Variants in SYNE2 observed in about 807,000 individuals in gnomAD.
The protein encoded by SYNE2 is nesprin-2.
Under a neutral mutation model 856.3 loss-of-function variants are expected in SYNE2, and 431 were observed. The observed-to-expected ratio is 0.50, with a 90% CI of 0.47 to 0.55. The LOEUF (loss-of-function observed/expected upper bound fraction) is 0.55, where lower values mean the gene tolerates loss of function less well. Ranked by LOEUF, SYNE2 falls within the 20% of genes least tolerant of loss-of-function variation. SYNE2 has a pLI of 0.00. For missense variants in SYNE2, 8,129 were observed against 8,023.2 expected, an observed-to-expected ratio of 1.01 and a Z score of -0.50; for synonymous variants, 2,923 against 2,872.3, an observed-to-expected ratio of 1.02 and a Z score of -0.56.
chr14:64,140,542 C>G (rs1242789086), intron 80 of SYNE2, among the ~76,000 whole-genome samples: 1 of 152,196 alleles, frequency 6.6e-6, no homozygotes, highest in Non-Finnish European at 1.5e-5. Context: ...GAGATGGCGC[C>G]ATTGCACTCC....
At chr14:64,215,259 G>C in intron 106 of SYNE2, 27 bp from the exon 107 acceptor site, 1 of 1,610,856 alleles carries the variant, frequency 6.2e-7, no homozygotes, top group Non-Finnish European at 8.5e-7. Context: ...CACCTCCAGT[G>C]AGGCAAATGA....
chr14:63,786,691 T>A (rs1887540812), intron 1 of SYNE2, among the ~76,000 whole-genome samples: 1 of 152,330 alleles, frequency 6.6e-6, no homozygotes, highest in Admixed American at 6.5e-5. Context: ...AGAAGTAGTA[T>A]ATGCTATGAT....
intron 94 of SYNE2, among the ~76,000 whole-genome samples, chr14:64,171,617 A>G (rs1289662927): frequency 1.3e-5 from 2 of 152,144 alleles, no homozygotes; most frequent in Non-Finnish European, 2.9e-5. Context: ...ACTGAAGGAG[A>G]GGCTTACTCC....
At position 64,062,749 on chromosome 14, in the gene SYNE2, A is replaced by C; in HGVS notation, c.10068-2A>C. On this transcript the variant is annotated splice_acceptor_variant, in intron 49 of 115. Transcript: ENST00000555002. LOFTEE classifies it high-confidence loss of function. ...ACTTTTTTTCTAACTGTGACTCACT[A>C]GGTATCTTGAGAATTACAAATGCTA... 1 of 1,612,562 alleles carries C rather than the reference A, an allele frequency of 6.2e-7. No homozygotes were observed. Among genetic ancestry groups the C allele is most frequent in the Non-Finnish European group, 8.5e-7 (1 of 1,178,634 alleles).
At chr14:64,038,627 G>A (rs112172602) in intron 45 of SYNE2, among the ~76,000 whole-genome samples, 12,090 of 152,348 alleles carry the variant, frequency 0.079, 636 homozygotes, top group African/African-American at 0.15. Context: ...ATCACTCGGC[G>A]GTTAGGAGCT....
intron 65 of SYNE2, among the ~76,000 whole-genome samples, chr14:64,109,959 G>C (rs186859174): frequency 6.6e-6 from 1 of 152,232 alleles, no homozygotes; most frequent in Non-Finnish European, 1.5e-5. Context: ...TTACAACCAA[G>C]GATAAATATT....
At chr14:63,963,699 A>G (rs963021500) in intron 9 of SYNE2, among the ~76,000 whole-genome samples, 200 bp from the exon 10 acceptor site, 4 of 152,162 alleles carry the variant, frequency 2.6e-5, no homozygotes, top group African/African-American at 9.7e-5. Flanking sequence ...TCTTTAGCAC[A>G]TTGTCATGTT....
chr14:63,946,654 A>G (rs1595804629), intron 6 of SYNE2, among the ~76,000 whole-genome samples: 1 of 96,572 alleles, frequency 1.0e-5, no homozygotes, highest in African/African-American at 5.2e-5. Context: ...TATATGATAT[A>G]ATATATATAC....
chr14:64,121,703 C>T (rs188164631), intron 68 of SYNE2, among the ~76,000 whole-genome samples: 5 of 152,332 alleles, frequency 3.3e-5, no homozygotes, highest in East Asian at 3.9e-4. Context: ...TATTAACTTA[C>T]ATCTTATATC....
At chr14:63,809,455 G>T (rs934473277) in intron 1 of SYNE2, among the ~76,000 whole-genome samples, 1 of 152,134 alleles carries the variant, frequency 6.6e-6, no homozygotes, top group Non-Finnish European at 1.5e-5. Context: ...TGTGGTCTAT[G>T]ATCCTATAAT....
At chr14:63,902,409 A>T (rs2095350422) in intron 1 of SYNE2, among the ~76,000 whole-genome samples, 1 of 40,072 alleles carries the variant, frequency 2.5e-5, no homozygotes, top group Admixed American at 2.9e-4. Flanking sequence ...AGACTCCTCA[A>T]AAAAAAAAAA....
intron 112 of SYNE2, among the ~76,000 whole-genome samples, chr14:64,222,342 C>T (rs753562590): frequency 1.3e-5 from 2 of 152,068 alleles, no homozygotes; most frequent in Non-Finnish European, 2.9e-5. Context: ...TCTGCACTGT[C>T]TAATAACCTC....
intron 70 of SYNE2, among the ~76,000 whole-genome samples, chr14:64,123,630 A>G (rs1382924101): frequency 2.0e-5 from 3 of 152,062 alleles, no homozygotes; most frequent in Non-Finnish European, 2.9e-5. Context: ...GTTTCATTTT[A>G]TTTGTCAGCT....
chr14:64,138,912 TTGTGTG>T lies in SYNE2; in HGVS notation c.14843+951_14843+956del, dbSNP rs143789075. On this transcript the variant is annotated intron_variant, in intron 79 of 115. Coordinates refer to ENST00000555002, the MANE Select transcript of SYNE2 (RefSeq NM_182914.3). ...GTTATACAGCTTATACAAATGCTGG[TTGTGTG>T]TGTGTGTGTGTGTGTGTGTGTATGT... Among the ~76,000 whole-genome samples, 73 of 144,310 alleles carry T rather than the reference TTGTGTG, an allele frequency of 5.1e-4. No homozygotes were observed. The Middle Eastern group carries it at 0.017, about 34-fold the overall frequency. The allele number at this position is 144,310 out of a possible 152,430, so 94.7% of individuals were successfully genotyped here. A position where few individuals can be genotyped will look rare whatever the true frequency, so the allele number is the denominator to read the frequency against.
intron 50 of SYNE2, among the ~76,000 whole-genome samples, 177 bp from the exon 51 acceptor site, chr14:64,065,255 A>G (rs1254324340): frequency 5.9e-5 from 9 of 152,234 alleles, no homozygotes; most frequent in Admixed American, 5.9e-4. Flanking sequence ...GCAGAATACA[A>G]TAATACATAG....
chr14:63,823,347 T>A (rs9707777), intron 1 of SYNE2, among the ~76,000 whole-genome samples: 8,507 of 151,988 alleles, frequency 0.056, 263 homozygotes, highest in Middle Eastern at 0.099. Context: ...CCTAGCGCAT[T>A]CGTATTTTTA....
In SYNE2 at chr14:63,942,039, T is replaced by C; in HGVS notation, c.316-12T>C. On this transcript the variant is annotated splice_polypyrimidine_tract_variant and intron_variant, in intron 5 of 115. Coordinates refer to ENST00000555002, the MANE Select transcript of SYNE2 (RefSeq NM_182914.3). ...TATTTCCTCCTTTTAACCTGCACTT[T>C]TTGTTTTCCAGATTAAGCTAATAAA... The C allele has an allele frequency of 6.2e-7, 1 of 1,605,072 alleles. No individual in the cohort carries two copies. The highest frequency in any genetic ancestry group is 8.5e-7 in the Non-Finnish European group (1 of 1,172,464).
intron 1 of SYNE2, among the ~76,000 whole-genome samples, chr14:63,880,591 T>C (rs2140612121): frequency 6.6e-6 from 1 of 152,210 alleles, no homozygotes; most frequent in Non-Finnish European, 1.5e-5. Flanking sequence ...TATATTTATA[T>C]GGTTACATTC....
In SYNE2 at chr14:64,052,058, A is replaced by T; in HGVS notation, c.8145A>T (p.Thr2715=). Residue 2715 remains threonine, a synonymous_variant, in exon 48 of 116, where the codon ACA becomes ACT. Transcript: ENST00000555002. ...GINNLKKQWE[T]LEPLHLEAEN... Reference sequence around the variant, plus strand: ...ATAACTTGAAGAAACAATGGGAAACATTGGAGCCATTACACTTAGAAGCAG... The same window carrying T: ...ATAACTTGAAGAAACAATGGGAAACTTTGGAGCCATTACACTTAGAAGCAG... 1.2e-6 allele frequency: 2 copies of T among 1,614,202 alleles called. No homozygotes were observed. Among genetic ancestry groups the T allele is most frequent in the Non-Finnish European group, 1.7e-6 (2 of 1,180,046 alleles).
Sources: gnomAD v4.1 joint callset for allele counts (sites outside exome capture counted in the v4.1 genomes callset) on GRCh38, gnomAD v4.1.1 for gene constraint, MANE v1.5 for transcripts, NCBI Gene and HGNC (gene_info 2026-07-23, HGNC 2026-07-21) for gene names.